CNTNAP2: variants seen among roughly 807,000 people sequenced by gnomAD.
The protein encoded by CNTNAP2 is contactin associated protein 2.
CNTNAP2 carries 98 observed loss-of-function variants against 155.2 expected under a neutral mutation model. That is an observed-to-expected ratio of 0.63 (90% CI 0.54 to 0.75). The LOEUF (loss-of-function observed/expected upper bound fraction) is 0.75, where lower values mean the gene tolerates loss of function less well. CNTNAP2 is among the 30% of genes least tolerant of loss of function. The pLI, the probability that CNTNAP2 is intolerant of heterozygous loss-of-function variation, is 0.00. For missense variants in CNTNAP2, 1,727 were observed against 1,688.1 expected (o/e 1.02, Z -0.40); for synonymous variants, 651 against 631.2 (o/e 1.03, Z -0.47).
chr7:146,937,263 C>T (rs990999339), intron 3 of CNTNAP2, among the ~76,000 whole-genome samples: 8 of 151,122 alleles, frequency 5.3e-5, no homozygotes, highest in African/African-American at 1.7e-4. Flanking sequence ...TGGTGGCACG[C>T]GCCTGTAGTC....
chr7:146,402,749 A>T (rs1276427733), intron 1 of CNTNAP2, among the ~76,000 whole-genome samples: 1 of 152,148 alleles, frequency 6.6e-6, no homozygotes, highest in Non-Finnish European at 1.5e-5. Context: ...AAATAATTAG[A>T]CTTGGTGACT....
chr7:147,468,418 T>C (rs1233336281), intron 10 of CNTNAP2, among the ~76,000 whole-genome samples: 1 of 152,246 alleles, frequency 6.6e-6, no homozygotes, highest in East Asian at 1.9e-4. Context: ...AACTATTGGG[T>C]TTCTCCAAGT....
intron 1 of CNTNAP2, among the ~76,000 whole-genome samples, chr7:146,316,813 G>C (rs952098475): frequency 6.0e-5 from 9 of 151,102 alleles, no homozygotes; most frequent in Non-Finnish European, 1.2e-4. Flanking sequence ...GCTTCTCCAA[G>C]CACACCTACT....
intron 11 of CNTNAP2, among the ~76,000 whole-genome samples, chr7:147,494,857 T>A (rs1391039486): frequency 2.0e-5 from 3 of 152,186 alleles, no homozygotes; most frequent in Admixed American, 2.0e-4. Context: ...CTTTTTAACT[T>A]CTCTGAAACC....
intron 12 of CNTNAP2, among the ~76,000 whole-genome samples, chr7:147,571,171 C>T (rs1455641278): frequency 6.6e-6 from 1 of 151,288 alleles, no homozygotes; most frequent in Non-Finnish European, 1.5e-5. Flanking sequence ...GCACAATGTG[C>T]AGGTTAGTTA....
chr7:147,193,958 T>C lies in CNTNAP2; in HGVS notation c.1348+61449T>C, dbSNP rs142083465. Among the ~76,000 whole-genome samples, 1,026 of 152,090 alleles carry C rather than the reference T, an allele frequency of 6.7e-3. 14 individuals are homozygous for C. Among genetic ancestry groups the C allele is most frequent in the Middle Eastern group, 0.02 (6 of 294 alleles). ...CCAATAATTATCTTAGATTGTTTTT[T>C]TTTTCTTCTAAAAAAAAGTGGGGGG... is the stretch of plus-strand genomic sequence containing the variant. On this transcript the variant is annotated intron_variant, in intron 8 of 23. Transcript: ENST00000361727.
intron 1 of CNTNAP2, among the ~76,000 whole-genome samples, chr7:146,372,271 C>T (rs968145091): frequency 8.5e-5 from 13 of 152,118 alleles, no homozygotes; most frequent in Admixed American, 8.5e-4. Flanking sequence ...AGAAGTTTCG[C>T]GAATTCCTAA....
intron 1 of CNTNAP2, among the ~76,000 whole-genome samples, chr7:146,154,059 G>T (rs1044598728): frequency 6.6e-6 from 1 of 151,630 alleles, no homozygotes; most frequent in African/African-American, 2.4e-5. Flanking sequence ...TTACCTCCTT[G>T]TTTCAATTTA....
At chr7:147,505,605 T>A (rs1167168082) in intron 11 of CNTNAP2, among the ~76,000 whole-genome samples, 1 of 152,210 alleles carries the variant, frequency 6.6e-6, no homozygotes, top group Non-Finnish European at 1.5e-5. Context: ...GCGAGGAGAT[T>A]AATTTAAATG....
At chr7:146,368,978 T>C (rs528508498) in intron 1 of CNTNAP2, among the ~76,000 whole-genome samples, 1 of 148,436 alleles carries the variant, frequency 6.7e-6, no homozygotes, top group South Asian at 2.1e-4. Context: ...TATTTTCCTA[T>C]GAAATATATT....
intron 14 of CNTNAP2, among the ~76,000 whole-genome samples, chr7:147,912,990 C>A (rs1374240802): frequency 1.3e-5 from 2 of 152,180 alleles, no homozygotes; most frequent in African/African-American, 4.8e-5. Flanking sequence ...TCAGGGACGC[C>A]TCCTGTAGGA....
intron 5 of CNTNAP2, among the ~76,000 whole-genome samples, chr7:147,119,140 G>A (rs557363042): frequency 1.3e-3 from 202 of 152,136 alleles, no homozygotes; most frequent in African/African-American, 4.7e-3. Flanking sequence ...ACATGCACAC[G>A]TGTGCACACA....
intron 8 of CNTNAP2, among the ~76,000 whole-genome samples, chr7:147,158,178 C>G (rs1801961854): frequency 1.3e-5 from 2 of 152,048 alleles, no homozygotes; most frequent in Admixed American, 6.6e-5. Flanking sequence ...AGTGATTAAA[C>G]ATGTCAAAAC....
At chr7:148,125,540 T>A (rs912095278) in intron 16 of CNTNAP2, among the ~76,000 whole-genome samples, 1 of 152,124 alleles carries the variant, frequency 6.6e-6, no homozygotes. Context: ...CCCAGCTTCA[T>A]CTATGTTGCT....
chr7:146,984,116 C>A (rs1263462590), intron 3 of CNTNAP2, among the ~76,000 whole-genome samples: 1 of 151,962 alleles, frequency 6.6e-6, no homozygotes, highest in Non-Finnish European at 1.5e-5. Flanking sequence ...GCCTGTAATC[C>A]CAGCACTTTG....
chr7:146,670,898 A>G (rs1800291895), intron 1 of CNTNAP2, among the ~76,000 whole-genome samples: 1 of 152,184 alleles, frequency 6.6e-6, no homozygotes, highest in South Asian at 2.1e-4. Context: ...TTATTCATGT[A>G]CAAGAGTTTT....
chr7:147,723,892 T>C (rs1464265750), intron 13 of CNTNAP2, among the ~76,000 whole-genome samples: 1 of 152,058 alleles, frequency 6.6e-6, no homozygotes, highest in African/African-American at 2.4e-5. Context: ...TAAACACTTT[T>C]AGAATCCTCT....
At chr7:147,966,983 C>T (rs373395653) in intron 14 of CNTNAP2, among the ~76,000 whole-genome samples, 2 of 151,846 alleles carry the variant, frequency 1.3e-5, no homozygotes, top group African/African-American at 4.8e-5. Flanking sequence ...ACTATTCACT[C>T]TAATTTTAAA....
chr7:147,239,186 T>G (rs2116633632), intron 8 of CNTNAP2, among the ~76,000 whole-genome samples: 1 of 152,170 alleles, frequency 6.6e-6, no homozygotes, highest in Non-Finnish European at 1.5e-5. Flanking sequence ...CAAAAGTGTT[T>G]TTGTACTTTT....
Sources: gnomAD v4.1 joint callset for allele counts (sites outside exome capture counted in the v4.1 genomes callset) on GRCh38, gnomAD v4.1.1 for gene constraint, MANE v1.5 for transcripts, NCBI Gene and HGNC (gene_info 2026-07-23, HGNC 2026-07-21) for gene names.